EMSY: variants seen among roughly 807,000 people sequenced by gnomAD.
The protein encoded by EMSY is BRCA2-interacting transcriptional repressor EMSY.
A neutral mutation model predicts 134.6 loss-of-function variants in EMSY; 26 were observed. That is an observed-to-expected ratio of 0.19 (90% CI 0.14 to 0.27). EMSY has a LOEUF of 0.27. Among genes scored for constraint, EMSY ranks in the 10% least tolerant of loss-of-function variants. EMSY has a pLI of 1.00. For missense variants in EMSY, 1,305 were observed against 1,611.4 expected, an observed-to-expected ratio of 0.81 and a Z score of 3.26; for synonymous variants, 579 against 577.8, an observed-to-expected ratio of 1.00 and a Z score of -0.03.
intron 4 of EMSY, 172 bp downstream of exon 4, chr11:76,453,560 T>G (rs1213582518): frequency 4.3e-6 from 2 of 461,372 alleles, no homozygotes; most frequent in South Asian, 4.8e-5. Context: ...TTCAGTTGGG[T>G]TTTTTTTTGC....
Position 76,467,991 on chromosome 11 carries a change from AC to A in EMSY, c.831+3912del, listed in dbSNP as rs1299191208. On this transcript the variant is annotated intron_variant, in intron 7 of 20. Transcript: ENST00000334736. ...CTAAACTCCATCTCAAAAAAAAAAA[AC>A]AAAAAAAAAAACTTAACGTAGTACA... Among the ~76,000 whole-genome samples the A allele has an allele frequency of 4.3e-3, 604 of 141,580 alleles. 8 individuals are homozygous for A. The highest frequency in any genetic ancestry group is 0.038 in the South Asian group (174 of 4,544). 92.9% of individuals were successfully genotyped at this position (141,580 alleles called of 152,430 possible).
chr11:76,544,675 T>C (rs1367050356), exon 19 of EMSY: 3 of 1,614,086 alleles, frequency 1.9e-6, no homozygotes, highest in South Asian at 1.1e-5. Context: ...CCCCGCAAAC[T>C]GTAGTACAGG....
intron 6 of EMSY, 33 bp downstream of exon 7, chr11:76,460,118 C>G (rs2135069460): frequency 6.2e-7 from 1 of 1,610,944 alleles, no homozygotes; most frequent in Non-Finnish European, 8.5e-7. Flanking sequence ...TCAGGGCCTT[C>G]TTGGCTAAAT....
exon 12 of EMSY, chr11:76,523,223 A>T: frequency 6.2e-7 from 1 of 1,613,872 alleles, no homozygotes; most frequent in East Asian, 2.2e-5. Flanking sequence ...ACAAAAGACT[A>T]CAGGAAAAGG....
At chr11:76,519,417 A>T (rs1365346291) in intron 11 of EMSY, among the ~76,000 whole-genome samples, 1 of 152,172 alleles carries the variant, frequency 6.6e-6, no homozygotes, top group African/African-American at 2.4e-5. Context: ...ACATTAGATT[A>T]TCAGATTTGT....
intron 19 of EMSY, 189 bp downstream of exon 20, chr11:76,545,011 G>A (rs371181228): frequency 7.6e-5 from 50 of 657,712 alleles, no homozygotes; most frequent in East Asian, 6.4e-4. Context: ...GCATTAATAT[G>A]TAGGAAGAAA....
intron 4 of EMSY, among the ~76,000 whole-genome samples, chr11:76,454,373 G>A (rs1947789439): frequency 6.6e-6 from 1 of 151,894 alleles, no homozygotes; most frequent in Non-Finnish European, 1.5e-5. Flanking sequence ...TCAGTGGTAG[G>A]TATGCACTGT....
intron 6 of EMSY, among the ~76,000 whole-genome samples, chr11:76,463,047 G>A (rs1948189599): frequency 6.6e-6 from 1 of 152,090 alleles, no homozygotes; most frequent in Non-Finnish European, 1.5e-5. Flanking sequence ...CAGGCACGGT[G>A]GCTCACGCCT....
intron 11 of EMSY, among the ~76,000 whole-genome samples, chr11:76,517,995 A>G (rs954859018): frequency 3.3e-5 from 5 of 152,034 alleles, no homozygotes; most frequent in South Asian, 2.1e-4. Context: ...TTATTTTATA[A>G]TATTGTTGAT....
At chr11:76,455,399 T>C (rs1947827976) in intron 4 of EMSY, among the ~76,000 whole-genome samples, 1 of 152,032 alleles carries the variant, frequency 6.6e-6, no homozygotes, top group African/African-American at 2.4e-5. Context: ...AAGGAATAGA[T>C]CTCTCATTCT....
At chr11:76,453,964 A>T (rs1416772149) in intron 4 of EMSY, 1 of 152,146 alleles carries the variant, frequency 6.6e-6, no homozygotes, top group Non-Finnish European at 1.5e-5. Flanking sequence ...ATTTAAGAGG[A>T]GGGGTGGAGG....
Position 76,531,322 on chromosome 11 carries a change from C to T in EMSY, c.2194+2856C>T, listed in dbSNP as rs188458738. Among the ~76,000 whole-genome samples, 4 of 152,236 alleles carry T rather than the reference C, an allele frequency of 2.6e-5. No individual in the cohort carries two copies. The East Asian group carries it at 5.8e-4, about 22-fold the overall frequency. On this transcript the variant is annotated intron_variant, in intron 14 of 20. Coordinates refer to ENST00000334736, the Ensembl canonical transcript of EMSY. Reference sequence around the variant, plus strand: ...CACCTGTCCTCAATAAAATTCAGGTCGACACATTGCATTTAGCTGCATTTA... The same window carrying T: ...CACCTGTCCTCAATAAAATTCAGGTTGACACATTGCATTTAGCTGCATTTA...
intron 20 of EMSY, among the ~76,000 whole-genome samples, chr11:76,548,174 T>G (rs1453673880): frequency 6.6e-6 from 1 of 152,236 alleles, no homozygotes; most frequent in African/African-American, 2.4e-5. Flanking sequence ...GCTCCTATTA[T>G]TATACTCATC....
chr11:76,506,162 C>T (rs903050049), intron 9 of EMSY, among the ~76,000 whole-genome samples: 1 of 151,764 alleles, frequency 6.6e-6, no homozygotes, highest in Non-Finnish European at 1.5e-5. Flanking sequence ...TATTCCAGGG[C>T]ATTAAAAAAA....
At chr11:76,479,898 T>C (rs192433635) in intron 8 of EMSY, among the ~76,000 whole-genome samples, 4 of 152,330 alleles carry the variant, frequency 2.6e-5, no homozygotes, top group East Asian at 3.9e-4. Context: ...TGTCACTTAA[T>C]GGTAATACTG....
chr11:76,545,906 T>G, exon 20 of EMSY: 2 of 1,614,182 alleles, frequency 1.2e-6, no homozygotes, highest in South Asian at 1.1e-5. Context: ...GTGCCTAAGC[T>G]GACATCACCA....
chr11:76,513,500 C>T (rs2136120578), exon 10 of EMSY: 1 of 1,613,476 alleles, frequency 6.2e-7, no homozygotes, highest in Non-Finnish European at 8.5e-7. Flanking sequence ...AGTAATGGTG[C>T]AATTATGACA....
Position 76,539,649 on chromosome 11 carries a change from T to C in EMSY, c.2557+9T>C. On this transcript the variant is annotated intron_variant, in intron 17 of 20. Transcript: ENST00000334736. ...TGCTTTTCCCCTTCTAGGTAAGTGG[T>C]GTGCATCCATTTGTAGTATCACTGA... 1 of 1,612,724 alleles carries C rather than the reference T, an allele frequency of 6.2e-7. No individual in the cohort carries two copies.
At chr11:76,445,714 G>T (rs528816103) in intron 1 of EMSY, among the ~76,000 whole-genome samples, 1 of 152,288 alleles carries the variant, frequency 6.6e-6, no homozygotes, top group African/African-American at 2.4e-5. Flanking sequence ...GCTAGGACGC[G>T]CCGGGATGCC....
Sources: allele counts gnomAD v4.1 joint callset (sites outside exome capture counted in the v4.1 genomes callset), GRCh38; gene constraint gnomAD v4.1.1; transcripts MANE v1.5; gene names NCBI Gene and HGNC (gene_info 2026-07-23, HGNC 2026-07-21).